DLG2: variants seen among roughly 807,000 people sequenced by gnomAD.
DLG2 encodes discs large MAGUK scaffold protein 2.
In DLG2, 45 loss-of-function variants were observed where a neutral mutation model predicts 132.5. That is an observed-to-expected ratio of 0.34 (90% CI 0.27 to 0.44). The LOEUF is 0.44. Ranked by LOEUF, DLG2 falls within the 20% of genes least tolerant of loss-of-function variation. The pLI is 1.00. For synonymous variants in DLG2, 424 were observed against 419.6 expected (o/e 1.01, Z -0.13); for missense variants, 1,045 against 1,196.9 (o/e 0.87, Z 1.87).
At chr11:84,512,579 T>A (rs1172366344) in intron 7 of DLG2, among the ~76,000 whole-genome samples, 1 of 151,712 alleles carries the variant, frequency 6.6e-6, no homozygotes, top group Non-Finnish European at 1.5e-5. Flanking sequence ...TATATTATAA[T>A]CAAACTATAA....
chr11:83,792,609 C>G (rs530683259), intron 17 of DLG2, among the ~76,000 whole-genome samples: 1 of 152,126 alleles, frequency 6.6e-6, no homozygotes, highest in South Asian at 2.1e-4. Flanking sequence ...ATGTTCTACA[C>G]CTTGATTTTT....
chr11:84,131,938 C>CTACT (rs1167823043), intron 9 of DLG2, among the ~76,000 whole-genome samples: 5 of 151,340 alleles, frequency 3.3e-5, no homozygotes, highest in Non-Finnish European at 5.9e-5. Context: ...GACCCTTCTT[C>CTACT]TACTTATTGT....
chr11:85,402,247 T>G (rs1314806076), intron 3 of DLG2, among the ~76,000 whole-genome samples: 9 of 152,178 alleles, frequency 5.9e-5, no homozygotes, highest in Non-Finnish European at 2.9e-5. Context: ...GGGGAAAGGA[T>G]TCTCTATTTA....
At chr11:83,754,627 G>C (rs1456136716) in intron 18 of DLG2, among the ~76,000 whole-genome samples, 1 of 151,270 alleles carries the variant, frequency 6.6e-6, no homozygotes, top group Non-Finnish European at 1.5e-5. Context: ...TGCCTTTCTG[G>C]CCTGTGACTT....
chr11:84,954,724 C>T (rs879310504), intron 6 of DLG2, among the ~76,000 whole-genome samples: 2 of 152,148 alleles, frequency 1.3e-5, no homozygotes, highest in Non-Finnish European at 2.9e-5. Context: ...TCTAGACAGT[C>T]CCCTATTAGG....
chr11:84,513,868 C>T (rs1044169168), intron 7 of DLG2, among the ~76,000 whole-genome samples: 1 of 151,322 alleles, frequency 6.6e-6, no homozygotes, highest in African/African-American at 2.4e-5. Context: ...TAAAAAGCAA[C>T]ACAGCAAAGG....
intron 6 of DLG2, among the ~76,000 whole-genome samples, chr11:84,561,897 T>C (rs1319487799): frequency 1.3e-5 from 2 of 152,134 alleles, no homozygotes; most frequent in East Asian, 1.9e-4. Flanking sequence ...TCAAACGAAA[T>C]TGCAACTGGG....
At chr11:85,423,092 G>C (rs953767630) in intron 3 of DLG2, among the ~76,000 whole-genome samples, 1 of 152,070 alleles carries the variant, frequency 6.6e-6, no homozygotes, top group East Asian at 1.9e-4. Flanking sequence ...GAAGGTCTAG[G>C]GCTGAAGGCT....
At chr11:83,992,733 T>C (rs544835077) in intron 11 of DLG2, among the ~76,000 whole-genome samples, 1 of 151,876 alleles carries the variant, frequency 6.6e-6, no homozygotes, top group Non-Finnish European at 1.5e-5. Flanking sequence ...AGATAAGAGG[T>C]CACTCCCTCC....
intron 3 of DLG2, among the ~76,000 whole-genome samples, chr11:85,526,528 A>C (rs906072905): frequency 2.6e-5 from 4 of 152,238 alleles, no homozygotes; most frequent in Admixed American, 2.6e-4. Flanking sequence ...GAAATGTTAA[A>C]TAAAGTCATT....
At chr11:85,226,819 TC>T (rs1385288286) in intron 4 of DLG2, among the ~76,000 whole-genome samples, 1 of 152,154 alleles carries the variant, frequency 6.6e-6, no homozygotes, top group African/African-American at 2.4e-5. Flanking sequence ...TTGTACCCTA[TC>T]CCTGCTCTTT....
intron 7 of DLG2, among the ~76,000 whole-genome samples, chr11:84,388,376 A>G (rs1446643292): frequency 6.6e-6 from 1 of 151,984 alleles, no homozygotes; most frequent in Non-Finnish European, 1.5e-5. Flanking sequence ...CTACAGGGGG[A>G]AAATTAAAAG....
At chr11:85,559,871 C>T (rs1294144874) in intron 3 of DLG2, among the ~76,000 whole-genome samples, 2 of 148,280 alleles carry the variant, frequency 1.3e-5, no homozygotes, top group Non-Finnish European at 3.0e-5. Context: ...GATAAATATC[C>T]CTGGTGTAAA....
At chr11:85,231,088 T>C (rs911743068) in intron 4 of DLG2, among the ~76,000 whole-genome samples, 8 of 152,006 alleles carry the variant, frequency 5.3e-5, no homozygotes, top group South Asian at 2.1e-4. Context: ...TACATGTAGG[T>C]TGATATTTTT....
chr11:84,042,121 G>A (rs2096102814), intron 11 of DLG2, among the ~76,000 whole-genome samples: 1 of 151,876 alleles, frequency 6.6e-6, no homozygotes, highest in South Asian at 2.1e-4. Context: ...ACAGATGTAG[G>A]TTGTGAAAAA....
intron 6 of DLG2, among the ~76,000 whole-genome samples, chr11:84,857,532 C>G (rs898054065): frequency 6.6e-6 from 1 of 151,832 alleles, no homozygotes. Flanking sequence ...ATGTAATATA[C>G]AATGGATTTA....
chr11:85,371,761 T>C (rs1471937215), intron 3 of DLG2, among the ~76,000 whole-genome samples: 1 of 152,190 alleles, frequency 6.6e-6, no homozygotes, highest in Non-Finnish European at 1.5e-5. Context: ...AACTCACAAG[T>C]ATTTGAAGAT....
chr11:84,274,498 A>G (rs2097766887), intron 7 of DLG2, among the ~76,000 whole-genome samples: 1 of 152,166 alleles, frequency 6.6e-6, no homozygotes, highest in Non-Finnish European at 1.5e-5. Flanking sequence ...CATACACGAA[A>G]TATTTTCCCT....
At chr11:83,959,282 C>T (rs12270426) in intron 14 of DLG2, among the ~76,000 whole-genome samples, 20,485 of 151,766 alleles carry the variant, frequency 0.13, 1,729 homozygotes, top group African/African-American at 0.22. Context: ...AAATTCTTAC[C>T]GTACATCCAT....
Sources: allele counts gnomAD v4.1 joint callset (sites outside exome capture counted in the v4.1 genomes callset), GRCh38; gene constraint gnomAD v4.1.1; transcripts MANE v1.5; gene names NCBI Gene and HGNC (gene_info 2026-07-23, HGNC 2026-07-21).